Variants in PCBP3 observed in about 807,000 individuals in gnomAD.
PCBP3 encodes poly(rC) binding protein 3.
In PCBP3, 25 loss-of-function variants were observed where a neutral mutation model predicts 52.7. The ratio of observed to expected loss-of-function variants is 0.47; its 90% CI spans 0.35 to 0.66. The LOEUF (loss-of-function observed/expected upper bound fraction) is 0.66. Ranked by LOEUF, PCBP3 falls within the 30% of genes least tolerant of loss-of-function variation. The probability of loss-of-function intolerance (pLI) is 0.01; values close to 1 mark genes in which losing one functional copy is unlikely to be tolerated. For synonymous variants in PCBP3, 162 were observed against 183.0 expected, an observed-to-expected ratio of 0.89 and a Z score of 0.93; for missense variants, 391 against 490.3, an observed-to-expected ratio of 0.80 and a Z score of 1.91.
At chr21:45,823,552 A>G (rs1188030448) in intron 4 of PCBP3, among the ~76,000 whole-genome samples, 1 of 151,786 alleles carries the variant, frequency 6.6e-6, no homozygotes, top group Non-Finnish European at 1.5e-5. Flanking sequence ...GTCCTCACAC[A>G]GTGTGTGGGC....
intron 2 of PCBP3, among the ~76,000 whole-genome samples, chr21:45,671,924 G>A (rs528114324): frequency 6.6e-6 from 1 of 152,256 alleles, no homozygotes; most frequent in Non-Finnish European, 1.5e-5. Context: ...AAACTGGTCT[G>A]TTGTCCTCCA....
At chr21:45,646,107 C>CTCTCTCTCTCTCTCTGTGTGTG (rs1555895746) in intron 1 of PCBP3, among the ~76,000 whole-genome samples, 2 of 83,784 alleles carry the variant, frequency 2.4e-5, no homozygotes, top group Non-Finnish European at 4.5e-5. Context: ...CTCTCTCTCT[C>CTCTCTCTCTCTCTCTGTGTGTG]TGTGTGTGTG....
chr21:45,693,723 C>T (rs2082615420), intron 2 of PCBP3, among the ~76,000 whole-genome samples: 1 of 151,994 alleles, frequency 6.6e-6, no homozygotes, highest in South Asian at 2.1e-4. Flanking sequence ...TGAAGGGCAA[C>T]ATAAATATGT....
chr21:45,759,651 A>G (rs1387889786), intron 4 of PCBP3, among the ~76,000 whole-genome samples: 1 of 152,242 alleles, frequency 6.6e-6, no homozygotes, highest in Non-Finnish European at 1.5e-5. Context: ...ATGGAGAGAC[A>G]TGGACAAGTT....
intron 13 of PCBP3, among the ~76,000 whole-genome samples, chr21:45,920,049 G>GA (rs1556354641): frequency 1.9e-5 from 1 of 52,606 alleles, no homozygotes; most frequent in African/African-American, 1.5e-4. Flanking sequence ...AGGTTCCAAA[G>GA]GGGGGGTCAC....
At chr21:45,751,272 T>G (rs2087469748) in intron 3 of PCBP3, among the ~76,000 whole-genome samples, 1 of 152,234 alleles carries the variant, frequency 6.6e-6, no homozygotes, top group African/African-American at 2.4e-5. Flanking sequence ...TCTTTTTTCT[T>G]TCTCACCTAA....
chr21:45,814,723 GGTGAGTGGTGA>G (rs1467240994), intron 4 of PCBP3, among the ~76,000 whole-genome samples: 2 of 138,318 alleles, frequency 1.4e-5, no homozygotes, highest in Non-Finnish European at 3.1e-5. Context: ...ATGAGTGAGT[GGTGAGTGGTGA>G]GTGAGTGGTG....
At chr21:45,814,912 G>C (rs2092827462) in intron 4 of PCBP3, among the ~76,000 whole-genome samples, 1 of 136,816 alleles carries the variant, frequency 7.3e-6, no homozygotes, top group Admixed American at 7.1e-5. Flanking sequence ...AGTGAGTGGT[G>C]AGTGATGAGT....
chr21:45,696,740 G>C (rs544328361), intron 2 of PCBP3, among the ~76,000 whole-genome samples: 1 of 151,638 alleles, frequency 6.6e-6, no homozygotes, highest in African/African-American at 2.4e-5. Flanking sequence ...GCAGTGAGCC[G>C]AGATTGCGCC....
At chr21:45,889,958 C>T (rs1204566229) in intron 5 of PCBP3, among the ~76,000 whole-genome samples, 1 of 152,272 alleles carries the variant, frequency 6.6e-6, no homozygotes, top group Admixed American at 6.5e-5. Context: ...TGTCTTGGAG[C>T]TGACAGTGGC....
In PCBP3 at chr21:45,732,646, C is replaced by T. The variant is rs569333842; in HGVS notation, c.-199-2746C>T. The T allele has an allele frequency of 3.3e-5, 5 of 151,844 alleles. No homozygotes were observed. The South Asian group carries it at 8.3e-4, about 25-fold the overall frequency. 9.4% of individuals were successfully genotyped at this position (151,844 alleles called of 1,614,324 possible). A position where few individuals can be genotyped will look rare whatever the true frequency, so the allele number is the denominator to read the frequency against. ...TTAAATTTTCATCCATTTTTGAAAACTTTTTGTAATTTTTTTTGTCTGTTT... is the reference window on the plus strand; with the variant it reads ...TTAAATTTTCATCCATTTTTGAAAATTTTTTGTAATTTTTTTTGTCTGTTT... On this transcript the variant is annotated intron_variant, in intron 2 of 17. Transcript: ENST00000681687.
At chr21:45,649,465 GA>G (rs2079540160) in intron 1 of PCBP3, among the ~76,000 whole-genome samples, 1 of 152,180 alleles carries the variant, frequency 6.6e-6, no homozygotes, top group Admixed American at 6.5e-5. Context: ...GTATGAGATA[GA>G]GATCCAATTT....
At chr21:45,738,229 A>G (rs2086035502) in intron 3 of PCBP3, among the ~76,000 whole-genome samples, 1 of 151,444 alleles carries the variant, frequency 6.6e-6, no homozygotes, top group Non-Finnish European at 1.5e-5. Flanking sequence ...ATTTCTTGTA[A>G]TACTGAATTG....
At position 45,912,488 on chromosome 21, in the gene PCBP3, C is replaced by T. The variant is rs537895600; in HGVS notation, c.600+1458C>T. 1.8e-4 allele frequency among the ~76,000 whole-genome samples: 28 copies of T among 152,296 alleles called. No individual in the cohort carries two copies. The East Asian group carries it at 3.7e-3, about 20-fold the overall frequency. ...GGTAGTGGGCATGCCTCACCTCACA[C>T]CCAGGAGATGACGGAGGAAAGGGCT... On this transcript the variant is annotated intron_variant, in intron 11 of 17. Coordinates refer to ENST00000681687, the MANE Select transcript of PCBP3 (RefSeq NM_001384156.1).
intron 5 of PCBP3, among the ~76,000 whole-genome samples, chr21:45,868,952 G>A (rs901033505): frequency 4.6e-5 from 7 of 152,198 alleles, no homozygotes; most frequent in African/African-American, 1.7e-4. Flanking sequence ...CTTCCCATTG[G>A]AATTCACTAA....
At position 45,826,579 on chromosome 21, in the gene PCBP3, ATG is replaced by A. The variant is rs545182265; in HGVS notation, c.-125-23381_-125-23380del. On this transcript the variant is annotated intron_variant, in intron 4 of 17. Coordinates refer to ENST00000681687, the MANE Select transcript of PCBP3 (RefSeq NM_001384156.1). ...GCCTTCCCTGTCCTCCCCACCAGGC[ATG>A]ACAAAGGTGCTGGGTATTTTATATA... 1.1e-3 allele frequency among the ~76,000 whole-genome samples: 162 copies of A among 152,282 alleles called. 1 individual carries two copies. The highest frequency in any genetic ancestry group is 1.5e-3 in the Admixed American group (23 of 15,282).
intron 8 of PCBP3, 97 bp downstream of exon 8, chr21:45,900,720 G>A (rs2096011408): frequency 4.0e-6 from 4 of 1,003,940 alleles, no homozygotes; most frequent in South Asian, 2.7e-5. Flanking sequence ...CTGTGCTCTT[G>A]GCCAGCCGGG....
intron 4 of PCBP3, among the ~76,000 whole-genome samples, chr21:45,831,408 CAAA>C (rs59400163): frequency 6.9e-5 from 6 of 86,568 alleles, no homozygotes; most frequent in African/African-American, 4.2e-5. Context: ...GATGCTGTCT[CAAA>C]AAAAAAAAAA....
intron 1 of PCBP3, among the ~76,000 whole-genome samples, chr21:45,668,535 G>A (rs778835078): frequency 3.4e-5 from 5 of 148,982 alleles, no homozygotes; most frequent in Non-Finnish European, 6.0e-5. Flanking sequence ...ATTGTAGGTG[G>A]TTGGTTTTCA....
Sources: gnomAD v4.1 joint callset for allele counts (sites outside exome capture counted in the v4.1 genomes callset) on GRCh38, gnomAD v4.1.1 for gene constraint, MANE v1.5 for transcripts, NCBI Gene and HGNC (gene_info 2026-07-23, HGNC 2026-07-21) for gene names.